DNAAF5: variants seen among roughly 807,000 people sequenced by gnomAD.
DNAAF5 encodes the protein HEAT repeat containing 2.
DNAAF5 carries 64 observed loss-of-function variants against 75.8 expected under a neutral mutation model. The observed-to-expected ratio is 0.84, with a 90% CI of 0.69 to 1.04. The LOEUF (loss-of-function observed/expected upper bound fraction) is 1.04. Ranked by LOEUF, DNAAF5 falls within the 50% of genes least tolerant of loss-of-function variation. DNAAF5 has a pLI of 0.00. For missense variants in DNAAF5, 1,269 were observed against 1,178.5 expected (o/e 1.08, Z -1.12); for synonymous variants, 657 against 557.2 (o/e 1.18, Z -2.52).
chr7:741,695 C>T (rs1781917260), intron 4 of DNAAF5, among the ~76,000 whole-genome samples: 1 of 152,208 alleles, frequency 6.6e-6, no homozygotes, highest in African/African-American at 2.4e-5. Flanking sequence ...CTCTCCCCTC[C>T]TCTGGCCAGC....
Position 741,476 on chromosome 7 carries a change from G to T in DNAAF5, c.1024+11G>T, listed in dbSNP as rs201554395. On this transcript the variant is annotated intron_variant, in intron 4 of 12. Coordinates refer to ENST00000297440, the MANE Select transcript of DNAAF5 (RefSeq NM_017802.4). ...ATTACCCTCCACATGGTGAGTGACCGCGGCAGAGGGGAGCGCCAGGAGGCG... is the reference window on the plus strand; with the variant it reads ...ATTACCCTCCACATGGTGAGTGACCTCGGCAGAGGGGAGCGCCAGGAGGCG... The T allele has an allele frequency of 1.5e-3, 1,831 of 1,226,746 alleles. 19 individuals carry two copies. The African/African-American group carries it at 0.026, about 17-fold the overall frequency. 76.0% of individuals were successfully genotyped at this position (1,226,746 alleles called of 1,614,324 possible).
chr7:769,175 C>T (rs763101247), intron 8 of DNAAF5: 7 of 774,332 alleles, frequency 9.0e-6, no homozygotes, highest in Middle Eastern at 2.3e-4. Flanking sequence ...GGAGAAGGCT[C>T]ACATCGCGAG....
chr7:744,986 CA>C (rs1383880849), intron 4 of DNAAF5, among the ~76,000 whole-genome samples: 1 of 152,176 alleles, frequency 6.6e-6, no homozygotes, highest in Non-Finnish European at 1.5e-5. Flanking sequence ...GTCTCTGCAT[CA>C]GTGATGGGAG....
In DNAAF5 at chr7:785,647, A is replaced by C. The variant is rs146751534; in HGVS notation, c.2562A>C (p.Thr854=). ...LLQHVQAVPA[T]Q ...AGCATGTGCAGGCCGTGCCAGCCACACAGTGACCACGCTGGTTTCAGCCAC... is the reference window on the plus strand; with the variant it reads ...AGCATGTGCAGGCCGTGCCAGCCACCCAGTGACCACGCTGGTTTCAGCCAC... Residue 854 remains threonine (T), a synonymous_variant, in exon 13 of 13, where the codon ACA becomes ACC. Coordinates refer to ENST00000297440, the MANE Select transcript of DNAAF5 (RefSeq NM_017802.4). The C allele has an allele frequency of 5.6e-6, 9 of 1,612,848 alleles. No homozygotes were observed. The highest frequency in any genetic ancestry group is 7.6e-6 in the Non-Finnish European group (9 of 1,179,920).
rs145875885 is a variant in DNAAF5 at position 775,943 on chromosome 7, G to A, written c.2239+781G>A. ...TTTTATCAGAGACTTGAGCATTTGAGGATTTTGGTATCCTAGAGGAGGAGG... is the reference window on the plus strand; with the variant it reads ...TTTTATCAGAGACTTGAGCATTTGAAGATTTTGGTATCCTAGAGGAGGAGG... On this transcript the variant is annotated intron_variant, in intron 11 of 12. Coordinates refer to ENST00000297440, the MANE Select transcript of DNAAF5 (RefSeq NM_017802.4). 1.3e-3 allele frequency among the ~76,000 whole-genome samples: 203 copies of A among 152,254 alleles called. 1 individual carries two copies. Among genetic ancestry groups the A allele is most frequent in the Non-Finnish European group, 2.0e-3 (134 of 68,036 alleles).
chr7:738,709 A>T (rs931606857), intron 2 of DNAAF5, among the ~76,000 whole-genome samples: 1 of 152,198 alleles, frequency 6.6e-6, no homozygotes, highest in East Asian at 1.9e-4. Context: ...CAGGTTTCTT[A>T]TGATACTAAG....
rs757792554 is a variant in DNAAF5 at position 774,035 on chromosome 7, G to A, written c.1932-13G>A. The A allele has an allele frequency of 1.1e-5, 17 of 1,613,976 alleles. No individual in the cohort carries two copies. In the East Asian group the frequency reaches 2.2e-4, roughly 21 times the overall value. On this transcript the variant is annotated splice_polypyrimidine_tract_variant and intron_variant, in intron 9 of 12. Coordinates refer to ENST00000297440, the MANE Select transcript of DNAAF5 (RefSeq NM_017802.4). ...TCCGGTCTCCTCATCCACCCTCTCC[G>A]TTCCGGTTCCAGGCAGTTTCCCAGC...
chr7:746,792 C>A (rs1300094345), intron 4 of DNAAF5, among the ~76,000 whole-genome samples: 1 of 152,216 alleles, frequency 6.6e-6, no homozygotes, highest in Non-Finnish European at 1.5e-5. Flanking sequence ...CCGCCTCTGT[C>A]CCCTGCATGT....
At chr7:781,656 A>C (rs1199589557) in intron 12 of DNAAF5, among the ~76,000 whole-genome samples, 2 of 148,060 alleles carry the variant, frequency 1.4e-5, no homozygotes, top group African/African-American at 4.8e-5. Flanking sequence ...TTGTCTCCAC[A>C]TCCGCGCCGG....
chr7:766,887 TA>T (rs1296497491), intron 8 of DNAAF5, among the ~76,000 whole-genome samples: 1 of 152,122 alleles, frequency 6.6e-6, no homozygotes, highest in African/African-American at 2.4e-5. Context: ...ATACAACTAA[TA>T]AGCAAATAGA....
Position 727,273 on chromosome 7 carries a change from G to T in DNAAF5, c.553G>T (p.Glu185Ter). 1 of 1,319,236 alleles carries T rather than the reference G, an allele frequency of 7.6e-7. No individual in the cohort carries two copies. The highest frequency in any genetic ancestry group is 2.0e-5 in the South Asian group (1 of 49,776). 81.7% of individuals were successfully genotyped at this position (1,319,236 alleles called of 1,614,324 possible). ...LLDPFAAVRRESCSCAAALAQ... is the reference protein window; with the variant it reads ...LLDPFAAVRR ...CGACCCCTTCGCCGCCGTGCGCCGC[G>T]AGAGCTGCAGCTGCGCCGCCGCCCT... is the stretch of plus-strand genomic sequence containing the variant. The change falls in exon 1 of 13, where the codon GAG becomes TAG. Residue 185 changes from glutamate (E) to a stop codon, truncating the protein, a stop_gained. Transcript: ENST00000297440. LOFTEE classifies it high-confidence loss of function.
At chr7:747,216 C>T (rs752724039) in intron 4 of DNAAF5, among the ~76,000 whole-genome samples, 2 of 152,234 alleles carry the variant, frequency 1.3e-5, no homozygotes, top group Non-Finnish European at 2.9e-5. Context: ...ACACCCTTCG[C>T]GCCATGTCGC....
chr7:770,042 C>T (rs1346767863), intron 8 of DNAAF5, among the ~76,000 whole-genome samples: 1 of 152,020 alleles, frequency 6.6e-6, no homozygotes, highest in Admixed American at 6.6e-5. Flanking sequence ...ACCTCCACCT[C>T]CCAGGTTCAA....
intron 1 of DNAAF5, among the ~76,000 whole-genome samples, chr7:728,708 T>C (rs1187836461): frequency 6.6e-6 from 1 of 152,184 alleles, no homozygotes; most frequent in Admixed American, 6.5e-5. Flanking sequence ...ACTGTGCCCA[T>C]CTGTGCCCCA....
intron 12 of DNAAF5, among the ~76,000 whole-genome samples, chr7:783,369 C>T (rs915273084): frequency 1.6e-4 from 25 of 152,346 alleles, no homozygotes; most frequent in African/African-American, 5.5e-4. Flanking sequence ...GCGTGGGCCT[C>T]AGCTGCTCCC....
chr7:777,171 G>A (rs1044714868), intron 11 of DNAAF5, among the ~76,000 whole-genome samples: 5 of 152,062 alleles, frequency 3.3e-5, no homozygotes, highest in African/African-American at 1.2e-4. Flanking sequence ...TAGAAATAAC[G>A]TGTACAATAA....
intron 9 of DNAAF5, 134 bp from the exon 10 acceptor site, chr7:773,914 A>AG: frequency 1.1e-6 from 1 of 952,366 alleles, no homozygotes; most frequent in Non-Finnish European, 1.7e-6. Context: ...TGAGAGGAGG[A>AG]GGGGCCTCGT....
intron 2 of DNAAF5, among the ~76,000 whole-genome samples, chr7:734,021 G>GT (rs1483251021): frequency 6.6e-6 from 1 of 152,036 alleles, no homozygotes; most frequent in Non-Finnish European, 1.5e-5. Context: ...GAATCTTTAG[G>GT]TTTTTCCAAA....
chr7:752,366 C>G lies in DNAAF5; in HGVS notation c.1025-2223C>G, dbSNP rs569639545. On this transcript the variant is annotated intron_variant, in intron 4 of 12. Transcript: ENST00000297440. ...AAAAGACCGCAGAGTGATGACGAAG[C>G]CTTTGTCACCGCGGGCCGGGCCACG... Among the ~76,000 whole-genome samples the G allele has an allele frequency of 2.0e-5, 3 of 147,774 alleles. No individual in the cohort carries two copies. In the South Asian group the frequency reaches 6.4e-4, roughly 32 times the overall value.
Sources: gnomAD v4.1 joint callset for allele counts (sites outside exome capture counted in the v4.1 genomes callset) on GRCh38, gnomAD v4.1.1 for gene constraint, MANE v1.5 for transcripts, NCBI Gene and HGNC (gene_info 2026-07-23, HGNC 2026-07-21) for gene names.